The following DNAH7 variants were observed in gnomAD, a reference collection of about 807,000 sequenced individuals.
DNAH7 encodes the protein axonemal beta dynein heavy chain 7.
DNAH7 carries 397 observed loss-of-function variants against 444.6 expected under a neutral mutation model. That is an observed-to-expected ratio of 0.89 (90% CI 0.82 to 0.97). The LOEUF (loss-of-function observed/expected upper bound fraction) is 0.97. DNAH7 is among the 50% of genes least tolerant of loss of function. DNAH7 has a pLI of 0.00. For synonymous variants in DNAH7, 1,636 were observed against 1,624.4 expected (o/e 1.01, Z -0.17); for missense variants, 4,902 against 4,800.8 (o/e 1.02, Z -0.62).
chr2:195,845,402 C>A (rs984199791), intron 46 of DNAH7, among the ~76,000 whole-genome samples: 2 of 152,106 alleles, frequency 1.3e-5, no homozygotes, highest in Non-Finnish European at 2.9e-5. Flanking sequence ...GCACTTAAGT[C>A]AGAATTTTGT....
intron 63 of DNAH7, among the ~76,000 whole-genome samples, chr2:195,745,725 C>A (rs893321472): frequency 2.0e-5 from 3 of 152,122 alleles, no homozygotes; most frequent in Non-Finnish European, 4.4e-5. Context: ...AATTTTCAAC[C>A]CAGAATTTCA....
intron 53 of DNAH7, among the ~76,000 whole-genome samples, chr2:195,807,685 AG>A (rs1288678270): frequency 6.6e-6 from 1 of 152,170 alleles, no homozygotes; most frequent in African/African-American, 2.4e-5. Context: ...GGGTACCAGA[AG>A]GGGTAAACCT....
intron 58 of DNAH7, among the ~76,000 whole-genome samples, chr2:195,784,478 TCA>T (rs1160170780): frequency 6.6e-6 from 1 of 152,222 alleles, no homozygotes; most frequent in East Asian, 1.9e-4. Context: ...TCTGAATGTA[TCA>T]CAGTTTATCC....
At chr2:195,992,865 GTTCTACATCCTGGCT>G (rs1270441531) in intron 12 of DNAH7, among the ~76,000 whole-genome samples, 1 of 152,230 alleles carries the variant, frequency 6.6e-6, no homozygotes, top group African/African-American at 2.4e-5. Flanking sequence ...TCTGCTCCAT[GTTCTACATCCTGGCT>G]TTCCTTGGTC....
intron 61 of DNAH7, among the ~76,000 whole-genome samples, chr2:195,757,786 C>A (rs1694155434): frequency 6.6e-6 from 1 of 152,196 alleles, no homozygotes; most frequent in African/African-American, 2.4e-5. Flanking sequence ...ACCCCTAAAT[C>A]TTGGGAATGA....
Position 196,068,784 on chromosome 2 carries a change from G to A in DNAH7, c.-73C>T. 1 of 1,535,762 alleles carries A rather than the reference G, an allele frequency of 6.5e-7. No individual in the cohort carries two copies. Among genetic ancestry groups the A allele is most frequent in the Non-Finnish European group, 8.8e-7 (1 of 1,137,654 alleles). On this transcript the variant is annotated 5_prime_UTR_variant, in exon 1 of 65. Transcript: ENST00000312428. ...CCCGCGGAACCCCTAGGACGATAGA[G>A]GCAGGGCCCCGGGACTTGCAGCGGT...
chr2:195,832,244 G>A (rs1431855202), intron 48 of DNAH7, among the ~76,000 whole-genome samples: 1 of 152,002 alleles, frequency 6.6e-6, no homozygotes, highest in African/African-American at 2.4e-5. Flanking sequence ...GCCCTTTTGT[G>A]TCTAAAATTA....
intron 17 of DNAH7, among the ~76,000 whole-genome samples, chr2:195,968,923 T>C (rs1559285811): frequency 6.6e-6 from 1 of 152,212 alleles, no homozygotes; most frequent in Non-Finnish European, 1.5e-5. Flanking sequence ...CTGAGTTCAA[T>C]GCAAAGTCCC....
Position 195,809,845 on chromosome 2 carries a change from G to A in DNAH7, c.9788C>T (p.Thr3263Ile), listed in dbSNP as rs1696881583. 1.9e-6 allele frequency: 3 copies of A among 1,577,958 alleles called. No homozygotes were observed. Among genetic ancestry groups the A allele is most frequent in the Non-Finnish European group, 1.7e-6 (2 of 1,161,976 alleles). The change falls in exon 52 of 65, where the codon ACT becomes ATT. Residue 3263 changes from threonine (T) to isoleucine (I), a missense_variant. Thr to Ile is a moderately conservative substitution (Grantham distance 89). Coordinates refer to ENST00000312428, the MANE Select transcript of DNAH7 (RefSeq NM_018897.3). ...GCAGACATTAACATACAGTGAATAA[G>A]TAAAGTGATCCTTGAGAATCTGAAG... is the stretch of plus-strand genomic sequence containing the variant. Reference protein sequence around the residue: ...KRLQILKDHFTYSLYVNVCRS... With the variant: ...KRLQILKDHFIYSLYVNVCRS...
intron 54 of DNAH7, among the ~76,000 whole-genome samples, chr2:195,801,014 GA>G (rs1396028156): frequency 1.3e-5 from 2 of 152,136 alleles, no homozygotes; most frequent in African/African-American, 2.4e-5. Context: ...AGAATTAGTT[GA>G]TATAAAGTCA....
chr2:196,054,193 T>A (rs1013117530), intron 2 of DNAH7, among the ~76,000 whole-genome samples: 20 of 152,204 alleles, frequency 1.3e-4, no homozygotes, highest in African/African-American at 4.6e-4. Context: ...CTGTAAGTAA[T>A]CTCCTTTGAA....
chr2:195,913,721 GTT>G (rs1229390763), intron 24 of DNAH7, among the ~76,000 whole-genome samples: 2 of 151,926 alleles, frequency 1.3e-5, no homozygotes, highest in Non-Finnish European at 2.9e-5. Flanking sequence ...TTGTTGTTTG[GTT>G]TTTTGTTTTG....
At chr2:196,045,884 T>C (rs1697090757) in intron 5 of DNAH7, among the ~76,000 whole-genome samples, 1 of 152,018 alleles carries the variant, frequency 6.6e-6, no homozygotes, top group Non-Finnish European at 1.5e-5. Flanking sequence ...TAAAATACAT[T>C]GGTAGAAGTC....
intron 5 of DNAH7, among the ~76,000 whole-genome samples, chr2:196,039,949 C>T (rs1181658547): frequency 1.3e-5 from 2 of 152,012 alleles, no homozygotes; most frequent in Non-Finnish European, 2.9e-5. Context: ...AAAATAGACA[C>T]ATCCCTAGAC....
chr2:195,767,684 C>T (rs182639163), intron 61 of DNAH7, among the ~76,000 whole-genome samples: 1 of 151,954 alleles, frequency 6.6e-6, no homozygotes, highest in African/African-American at 2.4e-5. Flanking sequence ...TCAGCTTTAT[C>T]CCATAATTAT....
intron 47 of DNAH7, among the ~76,000 whole-genome samples, chr2:195,841,745 A>G (rs1233184950): frequency 6.6e-6 from 1 of 151,830 alleles, no homozygotes; most frequent in African/African-American, 2.4e-5. Flanking sequence ...TCCATCAAAC[A>G]TTCTTGAATC....
At chr2:195,994,322 C>A in intron 12 of DNAH7, 1 of 563,302 alleles carries the variant, frequency 1.8e-6, no homozygotes, top group East Asian at 4.8e-5. Flanking sequence ...TGATGCCTTC[C>A]TCCTCCCCAA....
At chr2:195,852,345 C>T (rs1385311229) in intron 46 of DNAH7, among the ~76,000 whole-genome samples, 5 of 151,930 alleles carry the variant, frequency 3.3e-5, no homozygotes, top group African/African-American at 9.7e-5. Context: ...AAATGAGGCT[C>T]AATTGAGACC....
intron 19 of DNAH7, among the ~76,000 whole-genome samples, chr2:195,945,119 TC>T (rs1689713890): frequency 6.6e-6 from 1 of 152,054 alleles, no homozygotes; most frequent in South Asian, 2.1e-4. Context: ...TACTTGAGGT[TC>T]TGGTATAGTT....
Sources: gnomAD v4.1 joint callset for allele counts (sites outside exome capture counted in the v4.1 genomes callset) on GRCh38, gnomAD v4.1.1 for gene constraint, MANE v1.5 for transcripts, NCBI Gene and HGNC (gene_info 2026-07-23, HGNC 2026-07-21) for gene names.